The following RAB38 variants were observed in gnomAD, a reference collection of about 807,000 sequenced individuals.
The protein encoded by RAB38 is ras-related protein Rab-38.
RAB38 carries 15 observed loss-of-function variants against 18.4 expected under a neutral mutation model. The ratio of observed to expected loss-of-function variants is 0.82; its 90% CI spans 0.55 to 1.26. The LOEUF (loss-of-function observed/expected upper bound fraction) is 1.26, where lower values mean the gene tolerates loss of function less well. Ranked by LOEUF, RAB38 falls within the 50% of genes most tolerant of loss-of-function variation. The pLI, the probability that RAB38 is intolerant of heterozygous loss-of-function variation, is 0.00. For missense variants in RAB38, 294 were observed against 267.4 expected (o/e 1.10, Z -0.69); for synonymous variants, 101 against 104.4 (o/e 0.97, Z 0.20).
At chr11:88,124,671 G>A (rs770093223) in intron 2 of RAB38, among the ~76,000 whole-genome samples, 15 of 152,058 alleles carry the variant, frequency 9.9e-5, no homozygotes, top group Non-Finnish European at 1.9e-4. Flanking sequence ...CTTAGCCTGC[G>A]CAACCTCCCG....
the RAB38 span, among the ~76,000 whole-genome samples, chr11:87,974,111 A>C: frequency 6.6e-6 from 1 of 152,014 alleles, no homozygotes; most frequent in African/African-American, 2.4e-5. Context: ...TCAAAGAAGG[A>C]GGCAAATGAG....
the RAB38 span, among the ~76,000 whole-genome samples, chr11:88,034,886 A>G: frequency 5.9e-5 from 9 of 152,214 alleles, no homozygotes; most frequent in Non-Finnish European, 1.3e-4. Flanking sequence ...TGAGTCATAG[A>G]TCTGCATGTG....
At chr11:87,973,123 C>T in the RAB38 span, among the ~76,000 whole-genome samples, 1 of 151,950 alleles carries the variant, frequency 6.6e-6, no homozygotes, top group East Asian at 1.9e-4. Flanking sequence ...TTATAAATTA[C>T]CCAGTCTCAG....
the RAB38 span, among the ~76,000 whole-genome samples, chr11:87,855,085 G>A: frequency 2.0e-5 from 3 of 152,242 alleles, no homozygotes; most frequent in East Asian, 3.9e-4. Context: ...ATGAGCCACC[G>A]CGCCTGGCCT....
chr11:88,035,118 T>C, the RAB38 span, among the ~76,000 whole-genome samples: 1 of 152,200 alleles, frequency 6.6e-6, no homozygotes, highest in Non-Finnish European at 1.5e-5. Context: ...AGATGGATCG[T>C]CATCTTGTAA....
the RAB38 span, among the ~76,000 whole-genome samples, chr11:87,884,421 G>A: frequency 6.6e-5 from 10 of 151,968 alleles, no homozygotes; most frequent in Non-Finnish European, 1.5e-4. Flanking sequence ...CTGGGAGATG[G>A]GGAAATGCCT....
At chr11:87,809,034 A>C in the RAB38 span, among the ~76,000 whole-genome samples, 1 of 152,096 alleles carries the variant, frequency 6.6e-6, no homozygotes, top group African/African-American at 2.4e-5. Context: ...AATAGAAGGA[A>C]ATATGAGAGA....
At chr11:87,830,142 A>G in the RAB38 span, among the ~76,000 whole-genome samples, 3 of 152,184 alleles carry the variant, frequency 2.0e-5, no homozygotes, top group African/African-American at 7.2e-5. Flanking sequence ...TGTGCCCAGA[A>G]TTATATTAGA....
At chr11:88,166,833 A>G (rs1030538438) in intron 1 of RAB38, 1 of 152,142 alleles carries the variant, frequency 6.6e-6, no homozygotes, top group African/African-American at 2.4e-5. Context: ...TTATATATTA[A>G]TGTTTATAAA....
chr11:87,813,519 A>T, the RAB38 span, among the ~76,000 whole-genome samples: 2 of 151,960 alleles, frequency 1.3e-5, no homozygotes, highest in Non-Finnish European at 2.9e-5. Flanking sequence ...ACACACACAC[A>T]CACACACACA....
the RAB38 span, among the ~76,000 whole-genome samples, chr11:88,093,165 G>A: frequency 4.7e-4 from 72 of 152,002 alleles, no homozygotes; most frequent in African/African-American, 1.6e-3. Flanking sequence ...GTGAGTCCCC[G>A]TGTGTCCATA....
chr11:87,976,570 AATAAAT>A, the RAB38 span, among the ~76,000 whole-genome samples: 2,022 of 93,678 alleles, frequency 0.022, 54 homozygotes, highest in East Asian at 0.18. Flanking sequence ...ATAACTATAC[AATAAAT>A]ATATATATTT....
At chr11:88,098,726 G>A in the RAB38 span, 8 of 151,890 alleles carry the variant, frequency 5.3e-5, no homozygotes, top group Non-Finnish European at 8.8e-5. Flanking sequence ...CCAAGGCCAC[G>A]CTGTAAGTGT....
the RAB38 span, chr11:87,879,772 G>A: frequency 6.6e-6 from 1 of 151,732 alleles, no homozygotes; most frequent in Non-Finnish European, 1.5e-5. Context: ...TAATTATTGT[G>A]AGACCTTGAG....
At chr11:87,965,239 C>A in the RAB38 span, among the ~76,000 whole-genome samples, 1 of 150,798 alleles carries the variant, frequency 6.6e-6, no homozygotes, top group African/African-American at 2.4e-5. Context: ...TATGCCACAA[C>A]TATTAGTCAA....
chr11:88,124,444 C>A (rs1942667116), intron 2 of RAB38, among the ~76,000 whole-genome samples: 1 of 151,976 alleles, frequency 6.6e-6, no homozygotes, highest in Non-Finnish European at 1.5e-5. Context: ...ACAAACAACC[C>A]CATCAATAAG....
chr11:87,832,116 T>G, the RAB38 span, among the ~76,000 whole-genome samples: 1 of 152,212 alleles, frequency 6.6e-6, no homozygotes, highest in Non-Finnish European at 1.5e-5. Context: ...CACTGCCTCA[T>G]TTTTGCAGTA....
chr11:88,121,352 A>G lies in RAB38; in HGVS notation c.484-7212T>C, dbSNP rs142018976. 2.5e-3 allele frequency among the ~76,000 whole-genome samples: 384 copies of G among 152,316 alleles called. 2 individuals are homozygous for G. Among genetic ancestry groups the G allele is most frequent in the African/African-American group, 8.8e-3 (366 of 41,572 alleles). On this transcript the variant is annotated intron_variant, in intron 2 of 2. Coordinates refer to ENST00000243662, the MANE Select transcript of RAB38 (RefSeq NM_022337.3). ...ACTTATTGTAAGCCTGATGGCATGT[A>G]TTTTACTGGTACTAAGTTTGTACTC...
At chr11:87,881,677 T>A in the RAB38 span, among the ~76,000 whole-genome samples, 1 of 151,764 alleles carries the variant, frequency 6.6e-6, no homozygotes, top group Non-Finnish European at 1.5e-5. Flanking sequence ...GTTTGTCTAA[T>A]ATGAGCTTCA....
Sources: allele counts gnomAD v4.1 joint callset (sites outside exome capture counted in the v4.1 genomes callset), GRCh38; gene constraint gnomAD v4.1.1; transcripts MANE v1.5; gene names NCBI Gene and HGNC (gene_info 2026-07-23, HGNC 2026-07-21).